DOCK5: variants seen among roughly 807,000 people sequenced by gnomAD.
DOCK5 encodes the protein dedicator of cytokinesis 5, also known as dedicator of cytokinesis protein 5.
Under a neutral mutation model 251.8 loss-of-function variants are expected in DOCK5, and 142 were observed. That is an observed-to-expected ratio of 0.56 (90% CI 0.49 to 0.65). The LOEUF is 0.65. Ranked by LOEUF, DOCK5 falls within the 30% of genes least tolerant of loss-of-function variation. The pLI is 0.00. For synonymous variants in DOCK5, 842 were observed against 835.5 expected (o/e 1.01, Z -0.13); for missense variants, 2,111 against 2,312.3 (o/e 0.91, Z 1.79).
At chr8:25,248,912 C>T (rs1293725634) in intron 2 of DOCK5, among the ~76,000 whole-genome samples, 1 of 152,184 alleles carries the variant, frequency 6.6e-6, no homozygotes, top group Non-Finnish European at 1.5e-5. Context: ...TGTTCCTTCT[C>T]TATGAGGGAA....
At chr8:25,340,786 G>C in intron 22 of DOCK5, 91 bp from the exon 23 acceptor site, 2 of 1,000,686 alleles carry the variant, frequency 2.0e-6, no homozygotes, top group Non-Finnish European at 3.0e-6. Context: ...AGGGTGATAC[G>C]ATGAAGGAGA....
intron 48 of DOCK5, among the ~76,000 whole-genome samples, chr8:25,406,658 CGTT>C (rs1367731150): frequency 6.6e-6 from 1 of 151,584 alleles, no homozygotes; most frequent in Non-Finnish European, 1.5e-5. Flanking sequence ...GACAGAGTCT[CGTT>C]GTGTCGCCCA....
At chr8:25,199,380 C>CTTTTTTT (rs564264937) in intron 1 of DOCK5, among the ~76,000 whole-genome samples, 32 of 117,872 alleles carry the variant, frequency 2.7e-4, no homozygotes, top group African/African-American at 4.6e-4. Context: ...CCGCTCTGTT[C>CTTTTTTT]TTTTTTTTTT....
intron 1 of DOCK5, among the ~76,000 whole-genome samples, chr8:25,190,775 G>GATTTTTTTTT (rs755511798): frequency 5.6e-5 from 3 of 53,980 alleles, no homozygotes; most frequent in East Asian, 6.5e-4. Context: ...CTTGGTCATG[G>GATTTTTTTTT]GTTTTTTTTT....
At chr8:25,339,834 T>C (rs1805905647) in intron 22 of DOCK5, among the ~76,000 whole-genome samples, 1 of 152,226 alleles carries the variant, frequency 6.6e-6, no homozygotes, top group Non-Finnish European at 1.5e-5. Flanking sequence ...TAATAAAATC[T>C]GGCTTATATT....
chr8:25,320,007 G>T (rs1427430035), intron 15 of DOCK5, among the ~76,000 whole-genome samples: 1 of 152,176 alleles, frequency 6.6e-6, no homozygotes, highest in Non-Finnish European at 1.5e-5. Flanking sequence ...CTCACCAAGT[G>T]TTCTGGGCCT....
chr8:25,407,877 A>G, intron 48 of DOCK5, 106 bp from the exon 49 acceptor site: 1 of 1,314,692 alleles, frequency 7.6e-7, no homozygotes, highest in Non-Finnish European at 1.0e-6. Context: ...AAAAAAAAAA[A>G]AAAAAAAAAT....
intron 27 of DOCK5, among the ~76,000 whole-genome samples, chr8:25,353,392 A>C (rs578124078): frequency 6.6e-6 from 1 of 152,154 alleles, no homozygotes; most frequent in Non-Finnish European, 1.5e-5. Context: ...TCCAAAACAT[A>C]TTATAAAAGG....
chr8:25,285,063 C>T (rs888900936), intron 5 of DOCK5, among the ~76,000 whole-genome samples: 1 of 152,116 alleles, frequency 6.6e-6, no homozygotes, highest in African/African-American at 2.4e-5. Flanking sequence ...TGGATCTAAT[C>T]CTACTCCTTA....
At chr8:25,395,175 T>TC (rs1433993757) in intron 44 of DOCK5, among the ~76,000 whole-genome samples, 1 of 152,054 alleles carries the variant, frequency 6.6e-6, no homozygotes, top group Non-Finnish European at 1.5e-5. Context: ...ACAACCTAGA[T>TC]CCCTCGCATG....
At position 25,323,865 on chromosome 8, in the gene DOCK5, C is replaced by G. The variant is rs778453756; in HGVS notation, c.1633C>G (p.Arg545Gly). 4 of 1,613,180 alleles carry G rather than the reference C, an allele frequency of 2.5e-6. No homozygotes were observed. Among genetic ancestry groups the G allele is most frequent in the Non-Finnish European group, 3.4e-6 (4 of 1,179,634 alleles). Reference sequence around the variant, plus strand: ...CTTTTCAGCCAGAGATAAATCGGAGCGAGCATTTGGGGTGGCCTTCGTGAA... The same window carrying G: ...CTTTTCAGCCAGAGATAAATCGGAGGGAGCATTTGGGGTGGCCTTCGTGAA... ...SSQETRDKSE[R>G]AFGVAFVKLM... The change falls in exon 17 of 52, where the codon CGA becomes GGA. Residue 545 changes from arginine (R) to glycine (G), a missense_variant. Arg to Gly is a moderately radical substitution (Grantham distance 125). Around this residue, in one of 3 missense-constraint regions of DOCK5, gnomAD observed 1,717 missense variants for 1,892.4 expected, o/e 0.91. Transcript: ENST00000276440.
At chr8:25,366,419 G>A (rs200250605) in intron 30 of DOCK5, among the ~76,000 whole-genome samples, 2 of 152,104 alleles carry the variant, frequency 1.3e-5, no homozygotes, top group African/African-American at 2.4e-5. Context: ...CCTGGGAGGC[G>A]GAGGTTGCAG....
At chr8:25,303,766 AG>A (rs1804827778) in intron 10 of DOCK5, among the ~76,000 whole-genome samples, 1 of 152,144 alleles carries the variant, frequency 6.6e-6, no homozygotes, top group African/African-American at 2.4e-5. Context: ...GTTCAAGACC[AG>A]CCTGGCCAAC....
At chr8:25,272,997 G>A in intron 3 of DOCK5, among the ~76,000 whole-genome samples, 1 of 152,104 alleles carries the variant, frequency 6.6e-6, no homozygotes, top group East Asian at 1.9e-4. Flanking sequence ...TTAGTGTAAT[G>A]TCTTCAAGGT....
At chr8:25,341,660 T>C in intron 23 of DOCK5, 79 bp from the exon 24 acceptor site, 1 of 1,258,964 alleles carries the variant, frequency 7.9e-7, no homozygotes, top group Non-Finnish European at 1.1e-6. Flanking sequence ...AGCACAGCCT[T>C]TTCTTCCTGG....
intron 21 of DOCK5, among the ~76,000 whole-genome samples, chr8:25,334,712 TAA>T (rs551681119): frequency 1.0e-4 from 13 of 126,712 alleles, no homozygotes; most frequent in Non-Finnish European, 8.5e-5. Flanking sequence ...ACTTAGTATC[TAA>T]AAAAAAAAAA....
intron 12 of DOCK5, 27 bp downstream of exon 12, chr8:25,308,952 G>A (rs1416265762): frequency 1.2e-5 from 19 of 1,526,520 alleles, no homozygotes; most frequent in Non-Finnish European, 1.5e-5. Context: ...GAGCTGGGAG[G>A]GACTCTGCTG....
At chr8:25,326,577 C>T (rs1805570713) in intron 18 of DOCK5, among the ~76,000 whole-genome samples, 3 of 152,052 alleles carry the variant, frequency 2.0e-5, no homozygotes, top group African/African-American at 4.8e-5. Flanking sequence ...CCGTCAGCAA[C>T]ATACCCCGTG....
chr8:25,279,395 A>G (rs1036377086), intron 5 of DOCK5, among the ~76,000 whole-genome samples: 1 of 152,208 alleles, frequency 6.6e-6, no homozygotes, highest in African/African-American at 2.4e-5. Context: ...CTGTCTTGCA[A>G]GAGACCAAGG....
Sources: gnomAD v4.1 joint callset for allele counts (sites outside exome capture counted in the v4.1 genomes callset) on GRCh38, gnomAD v4.1.1 for gene constraint, gnomAD v4.1.1 regional missense constraint, MANE v1.5 for transcripts, NCBI Gene and HGNC (gene_info 2026-07-23, HGNC 2026-07-21) for gene names.